Variants in CELF2 observed in about 807,000 individuals in gnomAD.
CELF2 encodes the protein CUGBP Elav-like family member 2, also known as CUG triplet repeat RNA-binding protein 2.
A neutral mutation model predicts 62.6 loss-of-function variants in CELF2; 8 were observed. The ratio of observed to expected loss-of-function variants is 0.13; its 90% CI spans 0.07 to 0.23. The LOEUF is 0.23. Among genes scored for constraint, CELF2 ranks in the 10% least tolerant of loss-of-function variants. The probability of loss-of-function intolerance (pLI) is 1.00; values close to 1 mark genes in which losing one functional copy is unlikely to be tolerated. For missense variants in CELF2, 333 were observed against 671.0 expected (o/e 0.50, Z 5.56); for synonymous variants, 258 against 250.0 (o/e 1.03, Z -0.30).
chr10:11,266,038 A>G (rs2082113075), intron 5 of CELF2, among the ~76,000 whole-genome samples: 1 of 152,232 alleles, frequency 6.6e-6, no homozygotes, highest in African/African-American at 2.4e-5. Context: ...CATAGCAACA[A>G]TTTATGTTTA....
intron 2 of CELF2, among the ~76,000 whole-genome samples, chr10:10,956,351 C>T (rs1425406855): frequency 2.0e-5 from 3 of 152,170 alleles, no homozygotes; most frequent in African/African-American, 7.2e-5. Context: ...GCTTTCCTGT[C>T]ACGAGGGGGA....
At chr10:11,205,261 C>T (rs939898041) in intron 2 of CELF2, among the ~76,000 whole-genome samples, 3 of 152,182 alleles carry the variant, frequency 2.0e-5, no homozygotes, top group African/African-American at 2.4e-5. Flanking sequence ...GGAAGCACAG[C>T]GGCAGCGCAG....
the CELF2 span, among the ~76,000 whole-genome samples, chr10:10,630,442 AT>A: frequency 6.6e-6 from 1 of 152,146 alleles, no homozygotes; most frequent in African/African-American, 2.4e-5. Context: ...GACCACTGGG[AT>A]CTCTATCTAA....
the CELF2 span, among the ~76,000 whole-genome samples, chr10:10,500,107 T>C: frequency 6.6e-6 from 1 of 152,230 alleles, no homozygotes; most frequent in Non-Finnish European, 1.5e-5. Context: ...CTAACTGTCT[T>C]AAGTCTCATT....
chr10:10,675,017 T>A, the CELF2 span, among the ~76,000 whole-genome samples: 1 of 152,232 alleles, frequency 6.6e-6, no homozygotes, highest in East Asian at 1.9e-4. Context: ...TTGAACATAC[T>A]GTTACCTGTT....
intron 2 of CELF2, among the ~76,000 whole-genome samples, chr10:11,179,918 T>C (rs1225091219): frequency 6.6e-6 from 1 of 152,164 alleles, no homozygotes; most frequent in Non-Finnish European, 1.5e-5. Context: ...ACAGTCACAC[T>C]CAGCCCTAGT....
chr10:11,238,838 C>G (rs773927856), intron 3 of CELF2, among the ~76,000 whole-genome samples: 3 of 152,174 alleles, frequency 2.0e-5, no homozygotes, highest in Non-Finnish European at 2.9e-5. Flanking sequence ...ATTCATGGTC[C>G]GTGCCTCCTA....
At chr10:11,181,453 C>A (rs1487793190) in intron 2 of CELF2, among the ~76,000 whole-genome samples, 1 of 152,226 alleles carries the variant, frequency 6.6e-6, no homozygotes, top group Non-Finnish European at 1.5e-5. Flanking sequence ...CTTCAACATT[C>A]CTTGGATTTC....
the CELF2 span, among the ~76,000 whole-genome samples, chr10:10,576,562 T>G: frequency 3.9e-5 from 6 of 152,200 alleles, no homozygotes. Flanking sequence ...TCTACTTTTG[T>G]GCAATTGCCT....
At chr10:10,508,308 A>G in the CELF2 span, among the ~76,000 whole-genome samples, 1 of 152,224 alleles carries the variant, frequency 6.6e-6, no homozygotes, top group African/African-American at 2.4e-5. Flanking sequence ...GTGACTCGCA[A>G]TACTACTTGA....
chr10:11,069,302 A>G (rs1372369770), intron 1 of CELF2, among the ~76,000 whole-genome samples: 1 of 152,244 alleles, frequency 6.6e-6, no homozygotes, highest in Non-Finnish European at 1.5e-5. Context: ...TACATGATTC[A>G]GAAGATAAAT....
intron 1 of CELF2, among the ~76,000 whole-genome samples, chr10:11,099,927 G>A (rs1257194835): frequency 1.3e-5 from 2 of 150,356 alleles, no homozygotes; most frequent in African/African-American, 4.9e-5. Context: ...TAAGCTGGGC[G>A]TGGTGGCTCA....
At chr10:10,669,062 A>G in the CELF2 span, among the ~76,000 whole-genome samples, 3 of 152,162 alleles carry the variant, frequency 2.0e-5, no homozygotes, top group Non-Finnish European at 4.4e-5. Flanking sequence ...CTCTATCACA[A>G]AATATTTTTA....
chr10:11,279,548 C>A (rs2087495626), intron 8 of CELF2, among the ~76,000 whole-genome samples: 1 of 152,184 alleles, frequency 6.6e-6, no homozygotes, highest in Non-Finnish European at 1.5e-5. Context: ...GTCCACACTG[C>A]AGGCCTTATG....
rs534580470 is a variant in CELF2, at chr10:11,207,954, T to C, written c.272-9471T>C. 2.0e-5 allele frequency among the ~76,000 whole-genome samples: 3 copies of C among 152,190 alleles called. No individual in the cohort carries two copies. Among genetic ancestry groups the C allele is most frequent in the Non-Finnish European group, 4.4e-5 (3 of 68,028 alleles). On this transcript the variant is annotated intron_variant, in intron 2 of 12. Coordinates refer to ENST00000633077, the MANE Select transcript of CELF2 (RefSeq NM_001326342.2). The surrounding 1 kb of genome is among the most constrained non-coding windows in gnomAD (Gnocchi z 4.1). ...CATTTCAGATGAGAGGTTTAGGTTA[T>C]AAAGAGACATTTTAGGTGACATGAA... is the stretch of plus-strand genomic sequence containing the variant.
the CELF2 span, among the ~76,000 whole-genome samples, chr10:10,560,684 G>GA: frequency 4.1e-3 from 612 of 150,746 alleles, 5 homozygotes; most frequent in South Asian, 0.019. Context: ...ACCCAGAGGG[G>GA]AAAAAAAAAT....
At chr10:10,857,195 T>A (rs527382592) in intron 1 of CELF2, among the ~76,000 whole-genome samples, 7 of 152,148 alleles carry the variant, frequency 4.6e-5, no homozygotes, top group Non-Finnish European at 7.3e-5. Context: ...GTTGACTGAC[T>A]GCTAACCTTC....
At chr10:11,203,203 C>T (rs2059679198) in intron 2 of CELF2, among the ~76,000 whole-genome samples, 1 of 152,146 alleles carries the variant, frequency 6.6e-6, no homozygotes, top group Admixed American at 6.5e-5. Context: ...GCGGCGTGCT[C>T]TTCCTCAGAC....
At chr10:10,696,319 G>T in the CELF2 span, among the ~76,000 whole-genome samples, 1 of 151,820 alleles carries the variant, frequency 6.6e-6, no homozygotes. Context: ...CTGCTCAGGG[G>T]TCAGGGGTCA....
Sources: gnomAD v4.1 joint callset for allele counts (sites outside exome capture counted in the v4.1 genomes callset) on GRCh38, gnomAD v4.1.1 for gene constraint, Gnocchi (gnomAD v3.1) non-coding constraint, MANE v1.5 for transcripts, NCBI Gene and HGNC (gene_info 2026-07-23, HGNC 2026-07-21) for gene names.